LZTS1: variants seen among roughly 807,000 people sequenced by gnomAD.
The protein encoded by LZTS1 is leucine zipper tumor suppressor 1, also known as leucine zipper putative tumor suppressor 1.
A neutral mutation model predicts 45.8 loss-of-function variants in LZTS1; 31 were observed. The observed-to-expected ratio is 0.68, with a 90% CI of 0.51 to 0.91. The LOEUF is 0.91. Ranked by LOEUF, LZTS1 falls within the 40% of genes least tolerant of loss-of-function variation. LZTS1 has a pLI of 0.00. For synonymous variants in LZTS1, 359 were observed against 357.3 expected (o/e 1.00, Z -0.05); for missense variants, 821 against 788.9 (o/e 1.04, Z -0.49).
chr8:20,298,970 G>A lies in LZTS1; in HGVS notation c.-135+4770C>T, dbSNP rs112834622. On this transcript the variant is annotated intron_variant, in intron 1 of 3. Coordinates refer to ENST00000381569, the MANE Select transcript of LZTS1 (RefSeq NM_021020.5). ...AAATGGCAAAAGGAGCTAACTAGCC[G>A]TAAGCTCACCAGCTATGCTCGACTG... 4.1e-3 allele frequency among the ~76,000 whole-genome samples: 627 copies of A among 152,328 alleles called. 7 individuals are homozygous for A. The highest frequency in any genetic ancestry group is 0.014 in the African/African-American group (593 of 41,576).
At chr8:20,257,672 T>TC (rs1800138056) in intron 1 of LZTS1, among the ~76,000 whole-genome samples, 1 of 150,484 alleles carries the variant, frequency 6.6e-6, no homozygotes, top group South Asian at 2.1e-4. Context: ...CTTAAACTTT[T>TC]TTTTTTTTTT....
At chr8:20,277,621 C>T (rs549279780) in intron 1 of LZTS1, among the ~76,000 whole-genome samples, 1 of 152,114 alleles carries the variant, frequency 6.6e-6, no homozygotes, top group Non-Finnish European at 1.5e-5. Context: ...AGAACTGGGC[C>T]TTTAACTGTG....
intron 1 of LZTS1, among the ~76,000 whole-genome samples, chr8:20,297,741 C>CAT (rs1383663995): frequency 2.6e-5 from 4 of 152,098 alleles, no homozygotes; most frequent in African/African-American, 9.7e-5. Context: ...TTGAGCTTAA[C>CAT]ATATATGCAT....
intron 1 of LZTS1, among the ~76,000 whole-genome samples, chr8:20,288,699 C>T (rs1800842596): frequency 6.6e-6 from 1 of 152,170 alleles, no homozygotes; most frequent in Non-Finnish European, 1.5e-5. Context: ...ACCACTGGGG[C>T]CCCTGGCACC....
intron 1 of LZTS1, among the ~76,000 whole-genome samples, chr8:20,279,854 G>A (rs536943478): frequency 7.1e-4 from 108 of 151,326 alleles, no homozygotes; most frequent in Admixed American, 1.6e-3. Context: ...GGGCATGGTA[G>A]CACATGCCCG....
rs546618740 is a variant in LZTS1, at chr8:20,282,736, G to A, written c.-135+21004C>T. On this transcript the variant is annotated intron_variant, in intron 1 of 3. Coordinates refer to ENST00000381569, the MANE Select transcript of LZTS1 (RefSeq NM_021020.5). ...CACTCACTCCCCTTTTCCACCAGTAGTTACCTTTAAAAATGTCTCTAGATG... is the reference window on the plus strand; with the variant it reads ...CACTCACTCCCCTTTTCCACCAGTAATTACCTTTAAAAATGTCTCTAGATG... Among the ~76,000 whole-genome samples the A allele has an allele frequency of 1.4e-3, 220 of 152,270 alleles. 1 individual carries two copies. The highest frequency in any genetic ancestry group is 4.8e-3 in the African/African-American group (200 of 41,548).
chr8:20,303,707 G>T, intron 1 of LZTS1, 33 bp downstream of exon 1: 1 of 985,526 alleles, frequency 1.0e-6, no homozygotes, highest in Non-Finnish European at 1.2e-6. Flanking sequence ...AGACCCTCCA[G>T]GGGCGAGGAG....
At chr8:20,264,360 C>G (rs1156608811) in intron 1 of LZTS1, among the ~76,000 whole-genome samples, 1 of 152,142 alleles carries the variant, frequency 6.6e-6, no homozygotes, top group African/African-American at 2.4e-5. Context: ...CGTATGAAAG[C>G]TTTACTAAGA....
intron 1 of LZTS1, among the ~76,000 whole-genome samples, chr8:20,291,132 T>C (rs1800893921): frequency 6.6e-6 from 1 of 152,216 alleles, no homozygotes; most frequent in African/African-American, 2.4e-5. Flanking sequence ...CTTCATAGGC[T>C]TTCAATCTAT....
intron 1 of LZTS1, among the ~76,000 whole-genome samples, chr8:20,292,397 G>T (rs78861625): frequency 0.015 from 2,291 of 152,296 alleles, 76 homozygotes; most frequent in East Asian, 0.12. Context: ...CATTTTGTTT[G>T]GGTTTGGCTT....
chr8:20,279,184 T>C (rs1294441746), intron 1 of LZTS1, among the ~76,000 whole-genome samples: 3 of 152,222 alleles, frequency 2.0e-5, no homozygotes, highest in Non-Finnish European at 2.9e-5. Flanking sequence ...TTGTCTGTCA[T>C]TGTACAATGG....
intron 1 of LZTS1, among the ~76,000 whole-genome samples, chr8:20,265,165 T>A (rs536448797): frequency 6.6e-6 from 1 of 152,288 alleles, no homozygotes; most frequent in South Asian, 2.1e-4. Context: ...AGCTCTCTCC[T>A]TCCCACTGGG....
At chr8:20,287,120 G>T (rs1423219734) in intron 1 of LZTS1, among the ~76,000 whole-genome samples, 2 of 152,212 alleles carry the variant, frequency 1.3e-5, no homozygotes, top group Non-Finnish European at 2.9e-5. Flanking sequence ...CCTACGAGGT[G>T]GTTCTTTCTG....
chr8:20,250,058 G>T lies in LZTS1; in HGVS notation c.1455C>A (p.Ala485=). 2 of 1,607,764 alleles carry T rather than the reference G, an allele frequency of 1.2e-6. No individual in the cohort carries two copies. The highest frequency in any genetic ancestry group is 2.2e-5 in the South Asian group (2 of 90,956). The stretch of plus-strand genomic sequence containing the variant: ...GGAAGGTGGGCGGCCCCATGTCGCG[G>T]GCCAGGGCGGCCTGGGCCCGCAGCT... The part of the protein sequence containing the change: ...LQELRAQAAL[A]RDMGPPTFPE... Residue 485 remains alanine (A), a synonymous_variant, in exon 4 of 4, where the codon GCC becomes GCA. Coordinates refer to ENST00000381569, the MANE Select transcript of LZTS1 (RefSeq NM_021020.5).
rs756773705 is a variant in LZTS1, at chr8:20,255,173, G to A, written c.9C>T (p.Ser3=). The change falls in exon 2 of 4, where the codon AGC becomes AGT. Residue 3 remains serine (S), a synonymous_variant. Transcript: ENST00000381569. MG[S]VSSLISGHSF... ...TGTGGCCGGAGATGAGGCTACTGAC[G>A]CTGCCCATGGTGACTCGGGGCTGAG... The A allele has an allele frequency of 4.3e-6, 7 of 1,611,430 alleles. No individual in the cohort carries two copies. In the South Asian group the frequency reaches 5.5e-5, roughly 13 times the overall value.
At position 20,249,728 on chromosome 8, in the gene LZTS1, C is replaced by A. The variant is rs759385277; in HGVS notation, c.1785G>T (p.Glu595Asp). ...CGCCTTCCCAGGCAGCCCCTCAGAT[C>A]TCAGTGGCTATGATGTCCTCGTAGG... ...DIPYEDIIAT[E>D]I Residue 595 changes from glutamate (E) to aspartate (D), a missense_variant, in exon 4 of 4, where the codon GAG (glutamate) becomes GAT (aspartate). By Grantham distance (45) the Glu-to-Asp change is conservative. Coordinates refer to ENST00000381569, the MANE Select transcript of LZTS1 (RefSeq NM_021020.5). 1.2e-6 allele frequency: 2 copies of A among 1,601,964 alleles called. No individual in the cohort carries two copies. Among genetic ancestry groups the A allele is most frequent in the East Asian group, 4.5e-5 (2 of 44,704 alleles).
chr8:20,268,328 C>T (rs543580357), intron 1 of LZTS1, among the ~76,000 whole-genome samples: 1 of 151,882 alleles, frequency 6.6e-6, no homozygotes, highest in South Asian at 2.1e-4. Flanking sequence ...GCCAGCTCCC[C>T]AGCAGAGGTC....
chr8:20,303,746 C>G lies in LZTS1; in HGVS notation c.-141G>C. ...CCCGGCCACCGCACCTTACCTGCCCCCTGCGCCTCGGGCGCACTTGAGACT... is the reference window on the plus strand; with the variant it reads ...CCCGGCCACCGCACCTTACCTGCCCGCTGCGCCTCGGGCGCACTTGAGACT... On this transcript the variant is annotated 5_prime_UTR_variant, in exon 1 of 4. Transcript: ENST00000381569. 2.0e-6 allele frequency: 2 copies of G among 985,546 alleles called. No homozygotes were observed. The highest frequency in any genetic ancestry group is 2.4e-6 in the Non-Finnish European group (2 of 830,220). 61.1% of individuals were successfully genotyped at this position (985,546 alleles called of 1,614,324 possible).
At chr8:20,256,060 C>CAAAAAAAAAAAAAAAAAAAAAAAAA (rs386412254) in intron 1 of LZTS1, among the ~76,000 whole-genome samples, 1 of 56,456 alleles carries the variant, frequency 1.8e-5, no homozygotes, top group East Asian at 6.1e-4. Context: ...GGGCCTGACT[C>CAAAAAAAAAAAAAAAAAAAAAAAAA]AAAAAAAAAA....
Sources: gnomAD v4.1 joint callset for allele counts (sites outside exome capture counted in the v4.1 genomes callset) on GRCh38, gnomAD v4.1.1 for gene constraint, MANE v1.5 for transcripts, NCBI Gene and HGNC (gene_info 2026-07-23, HGNC 2026-07-21) for gene names.